SLC10A7: variants seen among roughly 807,000 people sequenced by gnomAD.
SLC10A7 encodes the protein sodium/bile acid cotransporter 7.
In SLC10A7, 29 loss-of-function variants were observed where a neutral mutation model predicts 43.2. That is an observed-to-expected ratio of 0.67 (90% confidence interval 0.50 to 0.92). SLC10A7 has a LOEUF of 0.92. Ranked by LOEUF, SLC10A7 falls within the 40% of genes least tolerant of loss-of-function variation. The pLI, the probability that SLC10A7 is intolerant of heterozygous loss-of-function variation, is 0.00. For missense variants in SLC10A7, 295 were observed against 403.2 expected (o/e 0.73, Z 2.30); for synonymous variants, 152 against 144.8 (o/e 1.05, Z -0.35).
rs76310120 is a variant in SLC10A7, at chr4:146,488,286, G to T, written c.396+15563C>A. Among the ~76,000 whole-genome samples, 132 of 152,158 alleles carry T rather than the reference G, an allele frequency of 8.7e-4. 1 individual carries two copies. The South Asian group carries it at 0.013, about 16-fold the overall frequency. The stretch of plus-strand genomic sequence containing the variant: ...CTATAATAGGAGATGACCTGAAAAA[G>T]TATATTAAATATATTTTAATTCTGT... On this transcript the variant is annotated intron_variant, in intron 4 of 11. Transcript: ENST00000335472.
At chr4:146,347,314 A>G (rs1017756529) in intron 5 of SLC10A7, among the ~76,000 whole-genome samples, 1 of 152,202 alleles carries the variant, frequency 6.6e-6, no homozygotes, top group East Asian at 1.9e-4. Flanking sequence ...ATAACCAGTT[A>G]TATCTACCAG....
intron 5 of SLC10A7, chr4:146,442,162 A>C (rs1306920592): frequency 1.0e-6 from 1 of 971,754 alleles, no homozygotes; most frequent in Non-Finnish European, 1.2e-6. Flanking sequence ...ATTTATTTAA[A>C]AATAATGATT....
At chr4:146,297,588 C>T (rs932748410) in intron 7 of SLC10A7, among the ~76,000 whole-genome samples, 8 of 152,178 alleles carry the variant, frequency 5.3e-5, no homozygotes, top group South Asian at 2.1e-4. Context: ...TAATGTTTCA[C>T]GTTGTCTGAA....
chr4:146,454,971 C>T (rs2149921421), intron 4 of SLC10A7, among the ~76,000 whole-genome samples: 1 of 151,876 alleles, frequency 6.6e-6, no homozygotes, highest in South Asian at 2.1e-4. Context: ...ATGAAACTTA[C>T]TTAAAATGTT....
At chr4:146,300,790 G>A (rs1218950086) in intron 7 of SLC10A7, among the ~76,000 whole-genome samples, 1 of 151,646 alleles carries the variant, frequency 6.6e-6, no homozygotes, top group African/African-American at 2.4e-5. Context: ...TTTTTTTTCA[G>A]ATATGTTTTT....
At chr4:146,285,115 C>T (rs1374212936) in intron 9 of SLC10A7, among the ~76,000 whole-genome samples, 1 of 152,048 alleles carries the variant, frequency 6.6e-6, no homozygotes. Context: ...AGAACAGATT[C>T]TTCAGGCTGA....
chr4:146,496,580 C>A (rs923227998), intron 4 of SLC10A7, among the ~76,000 whole-genome samples: 1 of 152,186 alleles, frequency 6.6e-6, no homozygotes, highest in African/African-American at 2.4e-5. Context: ...TACAGAGACA[C>A]AGAAAAGAAT....
At chr4:146,375,375 C>T (rs1737116304) in intron 5 of SLC10A7, among the ~76,000 whole-genome samples, 1 of 152,106 alleles carries the variant, frequency 6.6e-6, no homozygotes, top group Admixed American at 6.6e-5. Context: ...CCTTTGCATT[C>T]ATTGTTTCCT....
chr4:146,504,518 C>CAAAAAAA (rs5862761), intron 3 of SLC10A7, among the ~76,000 whole-genome samples: 2 of 88,572 alleles, frequency 2.3e-5, no homozygotes, highest in African/African-American at 4.3e-5. Context: ...GACTCCGTCT[C>CAAAAAAA]AAAAAAAAAA....
intron 6 of SLC10A7, among the ~76,000 whole-genome samples, chr4:146,319,984 G>A (rs944602583): frequency 9.2e-5 from 14 of 152,042 alleles, no homozygotes; most frequent in African/African-American, 2.9e-4. Context: ...GTGGGACCAC[G>A]TAAAATTTCT....
chr4:146,302,172 C>T (rs1423222084), intron 7 of SLC10A7, among the ~76,000 whole-genome samples: 3 of 152,022 alleles, frequency 2.0e-5, no homozygotes, highest in African/African-American at 4.8e-5. Flanking sequence ...AATGCATAAG[C>T]CTTAAATTAT....
At chr4:146,394,365 C>A (rs1738660890) in intron 5 of SLC10A7, among the ~76,000 whole-genome samples, 1 of 152,080 alleles carries the variant, frequency 6.6e-6, no homozygotes, top group Non-Finnish European at 1.5e-5. Flanking sequence ...ATGAGCTTGC[C>A]ATGAAAAGAT....
intron 4 of SLC10A7, among the ~76,000 whole-genome samples, chr4:146,460,220 G>A (rs1311108017): frequency 6.6e-6 from 1 of 151,956 alleles, no homozygotes; most frequent in Non-Finnish European, 1.5e-5. Flanking sequence ...GGACCAATGA[G>A]GACTCTCATA....
At chr4:146,298,330 A>T (rs879581408) in intron 7 of SLC10A7, among the ~76,000 whole-genome samples, 3 of 152,134 alleles carry the variant, frequency 2.0e-5, no homozygotes, top group Non-Finnish European at 4.4e-5. Flanking sequence ...TTTTCTCTCA[A>T]AGCATTTTCA....
At chr4:146,377,913 A>C (rs1172819920) in intron 5 of SLC10A7, among the ~76,000 whole-genome samples, 1 of 152,232 alleles carries the variant, frequency 6.6e-6, no homozygotes, top group African/African-American at 2.4e-5. Flanking sequence ...CCAGTATTGT[A>C]AGTAAAGATA....
At chr4:146,514,444 C>T (rs1737766272) in intron 2 of SLC10A7, 2 of 152,160 alleles carry the variant, frequency 1.3e-5, no homozygotes, top group Admixed American at 1.3e-4. Flanking sequence ...TAAATGTAAC[C>T]ATATTTCACT....
chr4:146,391,476 C>A (rs955991712), intron 5 of SLC10A7, among the ~76,000 whole-genome samples: 2 of 152,214 alleles, frequency 1.3e-5, no homozygotes, highest in African/African-American at 4.8e-5. Context: ...AATTCTTGAA[C>A]TGTCTGACAT....
intron 4 of SLC10A7, among the ~76,000 whole-genome samples, chr4:146,465,244 T>G (rs1732912200): frequency 6.6e-6 from 1 of 152,178 alleles, no homozygotes; most frequent in African/African-American, 2.4e-5. Context: ...TTTCCTCTTC[T>G]AAACACATAC....
At chr4:146,367,664 A>G (rs1736490844) in intron 5 of SLC10A7, among the ~76,000 whole-genome samples, 1 of 152,008 alleles carries the variant, frequency 6.6e-6, no homozygotes, top group Admixed American at 6.6e-5. Context: ...AAATTGTGAG[A>G]TCTCCCGAGA....
Sources: allele counts gnomAD v4.1 joint callset (sites outside exome capture counted in the v4.1 genomes callset), GRCh38; gene constraint gnomAD v4.1.1; transcripts MANE v1.5; gene names NCBI Gene and HGNC (gene_info 2026-07-23, HGNC 2026-07-21).